DYNC2H1: variants seen among roughly 807,000 people sequenced by gnomAD.
DYNC2H1 encodes cytoplasmic dynein 2 heavy chain 1.
In DYNC2H1, 410 loss-of-function variants were observed where a neutral mutation model predicts 570.0. That is an observed-to-expected ratio of 0.72 (90% CI 0.66 to 0.78). The LOEUF (loss-of-function observed/expected upper bound fraction) is 0.78. DYNC2H1 is among the 30% of genes least tolerant of loss of function. The pLI is 0.00. For synonymous variants in DYNC2H1, 1,688 were observed against 1,677.6 expected (o/e 1.01, Z -0.15); for missense variants, 4,865 against 5,046.4 (o/e 0.96, Z 1.09).
At chr11:103,125,352 G>C in intron 12 of DYNC2H1, 57 bp downstream of exon 12, 45 of 729,442 alleles carry the variant, frequency 6.2e-5, no homozygotes, top group Non-Finnish European at 7.5e-5. Flanking sequence ...CGTTAAACTA[G>C]AATATGCTAA....
intron 83 of DYNC2H1, among the ~76,000 whole-genome samples, chr11:103,386,235 G>A (rs1251148932): frequency 2.6e-5 from 4 of 152,150 alleles, no homozygotes; most frequent in Non-Finnish European, 4.4e-5. Context: ...TGTGAAATAA[G>A]TTATATATGT....
At chr11:103,112,834 G>C (rs1238175293) in intron 1 of DYNC2H1, among the ~76,000 whole-genome samples, 1 of 152,140 alleles carries the variant, frequency 6.6e-6, no homozygotes, top group Non-Finnish European at 1.5e-5. Context: ...CCTTTGACTA[G>C]TATAGTTCTC....
Position 103,261,350 on chromosome 11 carries a change from G to C in DYNC2H1, c.10695+1373G>C, listed in dbSNP as rs976854712. On this transcript the variant is annotated intron_variant, in intron 70 of 88. Coordinates refer to ENST00000375735, the MANE Select transcript of DYNC2H1 (RefSeq NM_001377.3). This position sits in a 1 kb window ranked among gnomAD's most constrained non-coding sequence, Gnocchi z 4.8. Reference sequence around the variant, plus strand: ...CAACACAGAGCTTGAGCTCTGCTAAGGGACAGATTGCCTTCTCAAGTGGGT... The same window carrying C: ...CAACACAGAGCTTGAGCTCTGCTAACGGACAGATTGCCTTCTCAAGTGGGT... Among the ~76,000 whole-genome samples the C allele has an allele frequency of 1.3e-5, 2 of 152,204 alleles. No individual in the cohort carries two copies. Among genetic ancestry groups the C allele is most frequent in the African/African-American group, 2.4e-5 (1 of 41,466 alleles).
chr11:103,304,742 A>T (rs745524811), intron 77 of DYNC2H1, 22 bp downstream of exon 77: 4 of 1,609,898 alleles, frequency 2.5e-6, no homozygotes, highest in Admixed American at 1.7e-5. Context: ...TAAATGTACA[A>T]ATAATATCTA....
At chr11:103,229,157 T>C (rs1421955864) in intron 59 of DYNC2H1, among the ~76,000 whole-genome samples, 2 of 152,330 alleles carry the variant, frequency 1.3e-5, no homozygotes, top group African/African-American at 2.4e-5. Flanking sequence ...CCCCAGACCA[T>C]GAGCCTTCTG....
chr11:103,323,742 T>G (rs1428471860), intron 81 of DYNC2H1, 144 bp from the exon 82 acceptor site: 5 of 596,302 alleles, frequency 8.4e-6, no homozygotes, highest in African/African-American at 3.7e-5. Flanking sequence ...GATAACTGAG[T>G]TAATATCATA....
At position 103,151,838 on chromosome 11, in the gene DYNC2H1, G is replaced by A. The variant is rs1392154673; in HGVS notation, c.2947-298G>A. 1.3e-5 allele frequency among the ~76,000 whole-genome samples: 2 copies of A among 152,124 alleles called. No individual in the cohort carries two copies. The highest frequency in any genetic ancestry group is 2.4e-5 in the African/African-American group (1 of 41,522). On this transcript the variant is annotated intron_variant, in intron 20 of 88. Coordinates refer to ENST00000375735, the MANE Select transcript of DYNC2H1 (RefSeq NM_001377.3). This position sits in a 1 kb window ranked among gnomAD's most constrained non-coding sequence, Gnocchi z 4.6. Reference sequence around the variant, plus strand: ...AATAAGAACTTTACTTTGATAAACTGTAGTATTATCTTTATGGATTTCATT... The same window carrying A: ...AATAAGAACTTTACTTTGATAAACTATAGTATTATCTTTATGGATTTCATT...
chr11:103,302,719 A>C (rs971851161), intron 75 of DYNC2H1, among the ~76,000 whole-genome samples: 1 of 152,032 alleles, frequency 6.6e-6, no homozygotes, highest in Non-Finnish European at 1.5e-5. Context: ...TACTAATGAG[A>C]TATATAGATT....
chr11:103,167,906 G>A (rs1210848387), intron 31 of DYNC2H1, among the ~76,000 whole-genome samples: 2 of 152,044 alleles, frequency 1.3e-5, no homozygotes, highest in Non-Finnish European at 2.9e-5. Context: ...GTGTTCCCTC[G>A]TAGCCAATTC....
intron 84 of DYNC2H1, among the ~76,000 whole-genome samples, chr11:103,409,406 A>G (rs1709148): frequency 0.51 from 76,928 of 151,630 alleles, 19,792 homozygotes; most frequent in African/African-American, 0.6. Flanking sequence ...GAGTGATTAG[A>G]ATTTAAAATA....
chr11:103,353,027 C>A (rs1940126734), intron 82 of DYNC2H1, among the ~76,000 whole-genome samples: 1 of 152,088 alleles, frequency 6.6e-6, no homozygotes, highest in Non-Finnish European at 1.5e-5. Context: ...AGTCATCATC[C>A]TCAGCAAACT....
chr11:103,434,882 G>A (rs531587), intron 84 of DYNC2H1, among the ~76,000 whole-genome samples: 84,066 of 151,714 alleles, frequency 0.55, 23,896 homozygotes, highest in East Asian at 0.72. Context: ...TAAAAGTCTC[G>A]AAAGGCAGGA....
Position 103,371,975 on chromosome 11 carries a change from A to AGAACT in DYNC2H1, c.12156+13617_12156+13621dup, listed in dbSNP as rs756358389. ...TTTGTCTTGCCTAATTGTTCTGGCT[A>AGAACT]GAACTTTCATTCCTATGTTGAATAA... On this transcript the variant is annotated intron_variant, in intron 83 of 88. Transcript: ENST00000375735. Among the ~76,000 whole-genome samples, 14 of 102,296 alleles carry AGAACT rather than the reference A, an allele frequency of 1.4e-4. No individual in the cohort carries two copies. The East Asian group carries it at 1.9e-3, about 14-fold the overall frequency. 67.1% of individuals were successfully genotyped at this position (102,296 alleles called of 152,430 possible).
Position 103,256,041 on chromosome 11 carries a change from G to C in DYNC2H1, c.10327-65G>C. On this transcript the variant is annotated intron_variant, in intron 67 of 88. Transcript: ENST00000375735. The surrounding 1 kb of genome is among the most constrained non-coding windows in gnomAD (Gnocchi z 4.0). ...ACATCAAATGAATGACAGTTAATAT[G>C]GGTTTGCTTTAATTGGTTATTTTTA... 7.3e-7 allele frequency: 1 copy of C among 1,369,422 alleles called. No homozygotes were observed. Among genetic ancestry groups the C allele is most frequent in the Non-Finnish European group, 9.9e-7 (1 of 1,013,034 alleles). 84.8% of individuals were successfully genotyped at this position (1,369,422 alleles called of 1,614,324 possible).
In DYNC2H1 at chr11:103,146,022, C is replaced by T. The variant is rs184563316; in HGVS notation, c.2703-1750C>T. Among the ~76,000 whole-genome samples the T allele has an allele frequency of 1.5e-4, 23 of 152,248 alleles. No individual in the cohort carries two copies. In the East Asian group the frequency reaches 3.9e-3, roughly 26 times the overall value. ...TCACATATCTTCATGTATCAAGTAT[C>T]ATAAATCATGAGTCTTTACGTGTCA... On this transcript the variant is annotated intron_variant, in intron 18 of 88. Transcript: ENST00000375735.
intron 84 of DYNC2H1, among the ~76,000 whole-genome samples, chr11:103,412,444 A>G (rs1291288416): frequency 6.6e-6 from 1 of 152,216 alleles, no homozygotes; most frequent in East Asian, 1.9e-4. Context: ...AATTTAAAAT[A>G]TACAGCAAAA....
At chr11:103,148,179 A>G (rs1363876496) in intron 19 of DYNC2H1, among the ~76,000 whole-genome samples, 3 of 152,206 alleles carry the variant, frequency 2.0e-5, no homozygotes, top group East Asian at 1.9e-4. Flanking sequence ...TCAAAATACC[A>G]CAGTTTCTTC....
At chr11:103,357,143 T>C (rs990332702) in intron 82 of DYNC2H1, among the ~76,000 whole-genome samples, 2 of 152,144 alleles carry the variant, frequency 1.3e-5, no homozygotes, top group African/African-American at 2.4e-5. Context: ...TAACCTAATA[T>C]TTAGCATAGT....
Position 103,305,919 on chromosome 11 carries a change from G to A in DYNC2H1, c.11382+1199G>A, listed in dbSNP as rs532491861. On this transcript the variant is annotated intron_variant, in intron 77 of 88. Transcript: ENST00000375735. The surrounding 1 kb of genome is among the most constrained non-coding windows in gnomAD (Gnocchi z 4.3). ...TGATAAATCATATATGTTTTGTTTT[G>A]GGTTTTTTTTGAGACAGAATCTTGC... Among the ~76,000 whole-genome samples, 4 of 152,048 alleles carry A rather than the reference G, an allele frequency of 2.6e-5. No individual in the cohort carries two copies. The East Asian group carries it at 7.7e-4, about 29-fold the overall frequency.
Sources: gnomAD v4.1 joint callset for allele counts (sites outside exome capture counted in the v4.1 genomes callset) on GRCh38, gnomAD v4.1.1 for gene constraint, Gnocchi (gnomAD v3.1) non-coding constraint, MANE v1.5 for transcripts, NCBI Gene and HGNC (gene_info 2026-07-23, HGNC 2026-07-21) for gene names.